MSL3B: variants seen among roughly 807,000 people sequenced by gnomAD.
The protein encoded by MSL3B is MSL complex subunit 3B.
the MSL3B span, chr2:233,867,109 T>C: frequency 4.3e-6 from 4 of 921,384 alleles, no homozygotes; most frequent in East Asian, 7.2e-5. Flanking sequence ...GCACTAACCG[T>C]TTCCTCCGAT....
chr2:233,866,232 T>A, the MSL3B span: 1 of 694,300 alleles, frequency 1.4e-6, no homozygotes, highest in South Asian at 1.4e-5. Context: ...GCTAAAAACC[T>A]CACAAAGAGA....
the MSL3B span, chr2:233,866,109 T>C: frequency 1.8e-6 from 1 of 557,312 alleles, no homozygotes; most frequent in Non-Finnish European, 3.5e-6. Context: ...ATGGAGCAGT[T>C]GTTCTTACAG....
At chr2:233,866,885 G>A in the MSL3B span, 19 of 1,463,892 alleles carry the variant, frequency 1.3e-5, no homozygotes, top group Middle Eastern at 1.7e-4. Flanking sequence ...TAAAACCAAC[G>A]GGAGAGTGTA....
chr2:233,866,559 TG>T, the MSL3B span: 1 of 931,970 alleles, frequency 1.1e-6, no homozygotes. Context: ...GGCACACTGG[TG>T]GACATGTCCT....
At chr2:233,867,913 C>T in the MSL3B span, among the ~76,000 whole-genome samples, 1 of 151,320 alleles carries the variant, frequency 6.6e-6, no homozygotes, top group Non-Finnish European at 1.5e-5. Flanking sequence ...GCCTCAGCCT[C>T]ACAAATAGCT....
At chr2:233,866,199 G>A in the MSL3B span, 1 of 658,444 alleles carries the variant, frequency 1.5e-6, no homozygotes, top group Non-Finnish European at 2.9e-6. Context: ...GCTGACTCTG[G>A]GAAGAAGTCA....
chr2:233,865,936 C>T, the MSL3B span: 1 of 339,258 alleles, frequency 2.9e-6, no homozygotes. Context: ...CACTTTCAGG[C>T]ACCTAGGAAA....
the MSL3B span, among the ~76,000 whole-genome samples, chr2:233,865,243 A>G: frequency 6.6e-6 from 1 of 152,308 alleles, no homozygotes; most frequent in African/African-American, 2.4e-5. Flanking sequence ...GGTTAGTTTT[A>G]ATTTCTACCT....
At chr2:233,866,761 G>C in the MSL3B span, 1 of 807,280 alleles carries the variant, frequency 1.2e-6, no homozygotes, top group South Asian at 1.3e-5. Context: ...ACAAACGTAA[G>C]CTGGGAGAGA....
chr2:233,864,979 A>G, the MSL3B span, among the ~76,000 whole-genome samples: 1 of 152,188 alleles, frequency 6.6e-6, no homozygotes, highest in Non-Finnish European at 1.5e-5. Flanking sequence ...TTGTCTTTGT[A>G]CTTCAGATAT....
At chr2:233,868,230 T>C in the MSL3B span, 1 of 418,334 alleles carries the variant, frequency 2.4e-6, no homozygotes, top group Non-Finnish European at 5.0e-6. Context: ...ACATTAACAA[T>C]CTAGGTCGGA....
At chr2:233,867,593 A>T in the MSL3B span, 2 of 223,400 alleles carry the variant, frequency 9.0e-6, no homozygotes, top group Non-Finnish European at 1.7e-5. Context: ...CTCCTGCCTC[A>T]GCCTCCAGAG....
At chr2:233,866,141 G>C in the MSL3B span, 1 of 604,378 alleles carries the variant, frequency 1.7e-6, no homozygotes, top group South Asian at 1.4e-5. Flanking sequence ...CTTATTGACT[G>C]CCTGGGGGTT....
the MSL3B span, chr2:233,866,985 G>A: frequency 1.5e-6 from 2 of 1,311,832 alleles, no homozygotes; most frequent in Non-Finnish European, 1.1e-6. Flanking sequence ...ATGCTGGCAT[G>A]TGGCATAGCG....
the MSL3B span, chr2:233,866,788 A>G: frequency 1.6e-5 from 13 of 828,638 alleles, no homozygotes; most frequent in Admixed American, 1.5e-4. Context: ...CCTGGCTCCT[A>G]TTAGTATTTG....
At chr2:233,867,361 A>C in the MSL3B span, 1 of 601,060 alleles carries the variant, frequency 1.7e-6, no homozygotes, top group Non-Finnish European at 3.0e-6. Context: ...CTTTTAAAAA[A>C]AGACAGAGTC....
At chr2:233,866,644 C>A in the MSL3B span, 2 of 793,998 alleles carry the variant, frequency 2.5e-6, no homozygotes, top group Admixed American at 3.4e-5. Context: ...GGGGCGAGGA[C>A]CGCCTCAGAG....
chr2:233,867,034 A>G, the MSL3B span: 8 of 1,252,530 alleles, frequency 6.4e-6, no homozygotes, highest in African/African-American at 1.0e-4. Context: ...AAAAGGCTGC[A>G]CTGATAGCAA....
At chr2:233,867,810 T>TTTG in the MSL3B span, among the ~76,000 whole-genome samples, 35 of 126,200 alleles carry the variant, frequency 2.8e-4, 2 homozygotes, top group Admixed American at 4.3e-4. Flanking sequence ...TTTTTTTTTT[T>TTTG]GAGACAGAGT....
Sources: allele counts gnomAD v4.1 joint callset (sites outside exome capture counted in the v4.1 genomes callset), GRCh38; gene constraint gnomAD v4.1.1; transcripts MANE v1.5; gene names NCBI Gene and HGNC (gene_info 2026-07-23, HGNC 2026-07-21).